PRDM4: variants seen among roughly 807,000 people sequenced by gnomAD.
PRDM4 encodes the protein PR domain zinc finger protein 4.
In PRDM4, 38 loss-of-function variants were observed where a neutral mutation model predicts 62.3. The observed-to-expected ratio is 0.61, with a 90% confidence interval of 0.47 to 0.80. The LOEUF (loss-of-function observed/expected upper bound fraction) is 0.80. PRDM4 is among the 30% of genes least tolerant of loss of function. PRDM4 has a pLI of 0.00. For missense variants in PRDM4, 858 were observed against 997.1 expected (o/e 0.86, Z 1.88); for synonymous variants, 339 against 348.2 (o/e 0.97, Z 0.30).
intron 10 of PRDM4, among the ~76,000 whole-genome samples, chr12:107,740,393 G>A (rs891817076): frequency 6.6e-6 from 1 of 152,056 alleles, no homozygotes; most frequent in African/African-American, 2.4e-5. Context: ...AGGCTGAGGT[G>A]GGAGGATCAC....
intron 6 of PRDM4, among the ~76,000 whole-genome samples, chr12:107,745,641 T>C (rs1462176427): frequency 6.6e-6 from 1 of 152,142 alleles, no homozygotes; most frequent in Non-Finnish European, 1.5e-5. Context: ...TATAAAGCAA[T>C]TACTATAGAA....
chr12:107,757,816 C>T (rs1034888407), intron 2 of PRDM4, among the ~76,000 whole-genome samples: 2 of 152,210 alleles, frequency 1.3e-5, no homozygotes, highest in African/African-American at 4.8e-5. Context: ...AACCATCTTG[C>T]ACTGCCATTA....
chr12:107,752,006 G>T lies in PRDM4; in HGVS notation c.535C>A (p.His179Asn). 6.2e-7 allele frequency: 1 copy of T among 1,614,212 alleles called. No individual in the cohort carries two copies. The highest frequency in any genetic ancestry group is 8.5e-7 in the Non-Finnish European group (1 of 1,180,008). The change falls in exon 5 of 12, where the codon CAT (histidine) becomes AAT (asparagine). Residue 179 changes from histidine to asparagine, a missense_variant. By Grantham distance (68) the His-to-Asn change is moderately conservative. This residue lies in a region of PRDM4 where 499 missense variants were observed against 546.7 expected (regional missense o/e 0.91). Transcript: ENST00000228437. ...GCCACCTCATGGCCATCACTGGGAT[G>T]AAGACTTTGGGCACCATGTGTGTTC... The part of the protein sequence containing the change: ...SVNTHGAQSL[H>N]PSDGHEVALD...
intron 5 of PRDM4, among the ~76,000 whole-genome samples, chr12:107,748,773 G>T (rs921335943): frequency 2.6e-5 from 4 of 152,076 alleles, no homozygotes; most frequent in Non-Finnish European, 5.9e-5. Flanking sequence ...GCACAGCCTT[G>T]TAAATACACC....
chr12:107,749,544 C>G (rs1890825992), intron 5 of PRDM4, among the ~76,000 whole-genome samples: 1 of 151,888 alleles, frequency 6.6e-6, no homozygotes, highest in Admixed American at 6.6e-5. Context: ...CTCTACTTAC[C>G]TAGTTTCTAT....
In PRDM4 at chr12:107,751,504, G is replaced by C; in HGVS notation, c.1037C>G (p.Ser346Cys). ...VAMGTGHVDVSSDSLSFVSPS... is the reference protein window; with the variant it reads ...VAMGTGHVDVCSDSLSFVSPS... ...TGATACAAAAGAAAGACTGTCTGAA[G>C]ATACATCTACATGACCTGTCCCCAT... The change falls in exon 5 of 12, where the codon TCT (serine) becomes TGT (cysteine). Residue 346 changes from serine to cysteine, a missense_variant. Ser to Cys is a moderately radical substitution (Grantham distance 112). Coordinates refer to ENST00000228437, the MANE Select transcript of PRDM4 (RefSeq NM_012406.4). 6.2e-7 allele frequency: 1 copy of C among 1,613,798 alleles called. No individual in the cohort carries two copies. Among genetic ancestry groups the C allele is most frequent in the Non-Finnish European group, 8.5e-7 (1 of 1,179,654 alleles).
chr12:107,738,846 ACAAT>A (rs1223455688), intron 11 of PRDM4, among the ~76,000 whole-genome samples: 3 of 134,978 alleles, frequency 2.2e-5, no homozygotes, highest in African/African-American at 7.9e-5. Context: ...AGTTAAGATA[ACAAT>A]TTTTTTTTTT....
intron 2 of PRDM4, chr12:107,760,052 G>C (rs909298597): frequency 2.6e-5 from 4 of 153,310 alleles, no homozygotes; most frequent in African/African-American, 9.6e-5. Flanking sequence ...TACGGCCTTT[G>C]AAAGGGCCTT....
At chr12:107,738,100 C>T (rs1056038321) in intron 11 of PRDM4, 1 of 152,214 alleles carries the variant, frequency 6.6e-6, no homozygotes, top group African/African-American at 2.4e-5. Context: ...TGGGGGCCCT[C>T]TTCCAGGCTT....
intron 4 of PRDM4, 117 bp downstream of exon 4, chr12:107,753,807 G>A (rs1890976130): frequency 4.2e-6 from 4 of 957,810 alleles, no homozygotes; most frequent in Admixed American, 6.5e-5. Flanking sequence ...TTCCTGCCTA[G>A]AGATTAATAT....
rs927085940 is a variant in PRDM4 at position 107,753,973 on chromosome 12, T to C, written c.282A>G (p.Pro94=). 2 of 1,614,018 alleles carry C rather than the reference T, an allele frequency of 1.2e-6. No homozygotes were observed. Among genetic ancestry groups the C allele is most frequent in the East Asian group, 4.5e-5 (2 of 44,894 alleles). The part of the protein sequence containing the change: ...GLPERNYTLP[P]PPYPHLESSY... ...TGCTCTCCAGGTGAGGGTAAGGTGG[T>C]GGAGGTAGGGTGTAGTTTCTTTCAG... Residue 94 remains proline, a synonymous_variant, in exon 4 of 12, where the codon CCA becomes CCG. Coordinates refer to ENST00000228437, the MANE Select transcript of PRDM4 (RefSeq NM_012406.4).
intron 2 of PRDM4, 35 bp downstream of exon 2, chr12:107,760,469 GA>G: frequency 6.2e-7 from 1 of 1,611,918 alleles, no homozygotes; most frequent in Non-Finnish European, 8.5e-7. Flanking sequence ...AGTTTCCAAC[GA>G]TGTCACCAGT....
At chr12:107,755,834 C>A (rs10861776) in intron 3 of PRDM4, among the ~76,000 whole-genome samples, 5 of 152,134 alleles carry the variant, frequency 3.3e-5, no homozygotes, top group East Asian at 3.9e-4. Flanking sequence ...CCTAAAATCC[C>A]AGCACTCTGG....
chr12:107,741,189 C>T lies in PRDM4; in HGVS notation c.1681G>A (p.Ala561Thr). ...TTATGGATGTGGCTGGTCAGATGGG[C>T]TTTGAACTCTGTGTAAGAATTGCAC... ...KECNSYTEFK[A>T]HLTSHIHNHL... The change falls in exon 10 of 12, where the codon GCC becomes ACC. Residue 561 changes from alanine (A) to threonine (T), a missense_variant. Ala to Thr is a moderately conservative substitution (Grantham distance 58). This residue lies in a region of PRDM4 where 355 missense variants were observed against 432.6 expected (regional missense o/e 0.82). Transcript: ENST00000228437. The T allele has an allele frequency of 1.2e-6, 2 of 1,614,124 alleles. No individual in the cohort carries two copies. Among genetic ancestry groups the T allele is most frequent in the South Asian group, 2.2e-5 (2 of 91,078 alleles).
rs1391662675 is a variant in PRDM4, at chr12:107,752,027, T to G, written c.514A>C (p.Thr172Pro). The G allele has an allele frequency of 6.2e-7, 1 of 1,614,092 alleles. No individual in the cohort carries two copies. The highest frequency in any genetic ancestry group is 1.3e-5 in the African/African-American group (1 of 74,950). Residue 172 changes from threonine to proline, a missense_variant, in exon 5 of 12, where the codon ACA becomes CCA. Thr to Pro is a conservative substitution (Grantham distance 38). This residue lies in a region of PRDM4 where 499 missense variants were observed against 546.7 expected (regional missense o/e 0.91). Transcript: ENST00000228437. ...GGATGAAGACTTTGGGCACCATGTG[T>G]GTTCACAGAGCGAGAGTCTATTGAA... ...IVSIDSRSVN[T>P]HGAQSLHPSD...
chr12:107,734,507 C>T lies in PRDM4; in HGVS notation c.2109G>A (p.Lys703=), dbSNP rs1314640801. The T allele has an allele frequency of 6.2e-7, 1 of 1,611,560 alleles. No individual in the cohort carries two copies. Among genetic ancestry groups the T allele is most frequent in the Non-Finnish European group, 8.5e-7 (1 of 1,178,266 alleles). Residue 703 remains lysine (K), a synonymous_variant, in exon 12 of 12, where the codon AAG becomes AAA. Coordinates refer to ENST00000228437, the MANE Select transcript of PRDM4 (RefSeq NM_012406.4). ...VLIHTQERQI[K]CPKCDKLFLR... is the part of the protein sequence containing the mutation. Reference sequence around the variant, plus strand: ...AGAACAGCTTATCACACTTGGGACACTTGATCTGGCGTTCTCTAAGAGGAA... The same window carrying T: ...AGAACAGCTTATCACACTTGGGACATTTGATCTGGCGTTCTCTAAGAGGAA...
At chr12:107,747,314 G>A (rs148905814) in intron 5 of PRDM4, among the ~76,000 whole-genome samples, 4 of 151,656 alleles carry the variant, frequency 2.6e-5, no homozygotes, top group African/African-American at 7.2e-5. Context: ...ATATGGCCAC[G>A]GTGGTACAGC....
rs781367254 is a variant in PRDM4, at chr12:107,739,400, G to A, written c.2076C>T (p.His692=). Residue 692 remains histidine, a synonymous_variant, in exon 11 of 12, where the codon CAC becomes CAT. Coordinates refer to ENST00000228437, the MANE Select transcript of PRDM4 (RefSeq NM_012406.4). ...TAACTTACTGAGTGTGGATGAGCACGTGCTGCTTGAGGTCCTGCCTCCGCA... is the reference window on the plus strand; with the variant it reads ...TAACTTACTGAGTGTGGATGAGCACATGCTGCTTGAGGTCCTGCCTCCGCA... ...LFMRRQDLKQ[H]VLIHTQERQI... The A allele has an allele frequency of 4.2e-5, 67 of 1,613,424 alleles. No individual in the cohort carries two copies. Among genetic ancestry groups the A allele is most frequent in the East Asian group, 3.1e-4 (14 of 44,892 alleles).
chr12:107,755,160 G>A (rs1891023726), intron 3 of PRDM4, among the ~76,000 whole-genome samples: 1 of 152,092 alleles, frequency 6.6e-6, no homozygotes, highest in Non-Finnish European at 1.5e-5. Flanking sequence ...CCATGGCTCA[G>A]GCAACCTGAG....
Sources: allele counts gnomAD v4.1 joint callset (sites outside exome capture counted in the v4.1 genomes callset), GRCh38; gene constraint gnomAD v4.1.1; regional missense constraint gnomAD v4.1.1; transcripts MANE v1.5; gene names NCBI Gene and HGNC (gene_info 2026-07-23, HGNC 2026-07-21).